The following CASK variants were observed in gnomAD, a reference collection of about 807,000 sequenced individuals.
CASK encodes peripheral plasma membrane protein CASK.
In CASK, 4 loss-of-function variants were observed where a neutral mutation model predicts 82.9. The observed-to-expected ratio is 0.05, with a 90% CI of 0.02 to 0.11. The LOEUF is 0.11. Ranked by LOEUF, CASK falls within the 10% of genes least tolerant of loss-of-function variation. The probability of loss-of-function intolerance (pLI) is 1.00; values close to 1 mark genes in which losing one functional copy is unlikely to be tolerated. For missense variants in CASK, 358 were observed against 720.9 expected, an observed-to-expected ratio of 0.50 and a Z score of 5.76; for synonymous variants, 259 against 253.5, an observed-to-expected ratio of 1.02 and a Z score of -0.20.
chrX:41,727,711 A>G, intron 5 of CASK: 2 of 1,200,092 alleles, frequency 1.7e-6, no homozygotes, highest in Non-Finnish European at 2.3e-6. Flanking sequence ...AAGCCATCTG[A>G]GAAAAATAAG....
At chrX:41,619,739 T>C (rs1189572080) in intron 11 of CASK, among the ~76,000 whole-genome samples, 1 of 111,846 alleles carries the variant, frequency 8.9e-6, no homozygotes, top group Non-Finnish European at 1.9e-5. Flanking sequence ...AAGTTCTCAG[T>C]GTTAAAGTAG....
At chrX:41,733,535 T>A (rs1208340075) in intron 5 of CASK, among the ~76,000 whole-genome samples, 1 of 110,151 alleles carries the variant, frequency 9.1e-6, no homozygotes, top group Non-Finnish European at 1.9e-5. Flanking sequence ...GATCATGAGG[T>A]CAGGAGATCG....
chrX:41,901,501 A>G (rs1048857107), intron 1 of CASK, among the ~76,000 whole-genome samples: 46 of 109,986 alleles, frequency 4.2e-4, no homozygotes, highest in Non-Finnish European at 6.6e-4. Context: ...AAAAAAAAAA[A>G]AAGAAGAAGA....
chrX:41,917,460 G>A (rs1281414027), intron 1 of CASK, among the ~76,000 whole-genome samples: 1 of 112,176 alleles, frequency 8.9e-6, no homozygotes, highest in African/African-American at 3.2e-5. Context: ...AATAATTCAA[G>A]AATAATCTCA....
At chrX:41,799,625 C>G (rs2069947278) in intron 2 of CASK, among the ~76,000 whole-genome samples, 1 of 108,394 alleles carries the variant, frequency 9.2e-6, no homozygotes. Flanking sequence ...GATATCTCTC[C>G]CCTGGAGAGA....
chrX:41,839,387 T>C (rs1170138848), intron 2 of CASK, among the ~76,000 whole-genome samples: 1 of 112,033 alleles, frequency 8.9e-6, no homozygotes, highest in Non-Finnish European at 1.9e-5. Flanking sequence ...TACCTAAGCA[T>C]TTCATTTTAT....
At chrX:41,834,634 C>T in intron 2 of CASK, among the ~76,000 whole-genome samples, 1 of 111,314 alleles carries the variant, frequency 9.0e-6, no homozygotes, top group Non-Finnish European at 1.9e-5. Context: ...CCTTGAGATA[C>T]TCATAGATCT....
At chrX:41,605,914 A>C (rs2065953421) in intron 12 of CASK, among the ~76,000 whole-genome samples, 1 of 111,104 alleles carries the variant, frequency 9.0e-6, no homozygotes, top group Admixed American at 9.5e-5. Flanking sequence ...CCTGACCTCA[A>C]GTGATCCTCC....
rs138290714 is a variant in CASK at position 41,542,815 on chromosome X, T to C, written c.2040-9A>G. 1.2e-3 allele frequency: 1,262 copies of C among 1,019,577 alleles called. 11 individuals are homozygous for C. In the African/African-American group the frequency reaches 0.021, roughly 17 times the overall value. The allele number at this position is 1,019,577 out of a possible 1,213,427, so 84.0% of individuals were successfully genotyped here. On this transcript the variant is annotated splice_polypyrimidine_tract_variant and intron_variant, in intron 21 of 26. Coordinates refer to ENST00000378163, the MANE Select transcript of CASK (RefSeq NM_001367721.1). ...CAATGCAAGCTACTCGCCTAGCACA[T>C]ACAAAAAGAAAAATAAAATAAAATG...
At chrX:41,898,801 T>C (rs2072317297) in intron 1 of CASK, among the ~76,000 whole-genome samples, 1 of 112,127 alleles carries the variant, frequency 8.9e-6, no homozygotes, top group African/African-American at 3.2e-5. Context: ...CTTGGTATGA[T>C]TTCAATCTTC....
intron 22 of CASK, among the ~76,000 whole-genome samples, chrX:41,536,742 A>T (rs1482743513): frequency 1.8e-5 from 2 of 112,170 alleles, no homozygotes; most frequent in African/African-American, 3.2e-5. Flanking sequence ...ATAGCTAAAA[A>T]CCAAGAAATG....
chrX:41,588,922 A>G (rs1296072460), intron 13 of CASK, among the ~76,000 whole-genome samples: 6 of 111,924 alleles, frequency 5.4e-5, no homozygotes, highest in African/African-American at 1.9e-4. Context: ...GATTACAACT[A>G]TAAAAAAATT....
chrX:41,693,189 C>A (rs1012583913), intron 5 of CASK, among the ~76,000 whole-genome samples: 3 of 111,284 alleles, frequency 2.7e-5, no homozygotes, highest in African/African-American at 9.8e-5. Context: ...ATGAGAGCTC[C>A]CTACATAACC....
intron 11 of CASK, among the ~76,000 whole-genome samples, chrX:41,621,176 A>G (rs1044614098): frequency 9.1e-6 from 1 of 110,395 alleles, no homozygotes; most frequent in African/African-American, 3.3e-5. Flanking sequence ...CTTACATTTT[A>G]ATAGTTATTA....
chrX:41,788,114 G>A (rs1047899298), intron 2 of CASK, among the ~76,000 whole-genome samples: 2 of 100,031 alleles, frequency 2.0e-5, no homozygotes, highest in East Asian at 3.2e-4. Context: ...CCGGGATCGC[G>A]TCATTGCACT....
chrX:41,831,708 C>T (rs752094712), intron 2 of CASK, among the ~76,000 whole-genome samples: 2 of 112,260 alleles, frequency 1.8e-5, no homozygotes, highest in Non-Finnish European at 3.8e-5. Context: ...CCTGTAATCC[C>T]AGCACTTTGG....
intron 2 of CASK, among the ~76,000 whole-genome samples, chrX:41,834,470 G>A (rs1253890333): frequency 8.9e-6 from 1 of 111,957 alleles, no homozygotes; most frequent in Non-Finnish European, 1.9e-5. Flanking sequence ...AAGTTTTTGT[G>A]AACAATTAGG....
intron 3 of CASK, among the ~76,000 whole-genome samples, chrX:41,780,143 C>T (rs2069446742): frequency 8.9e-6 from 1 of 111,798 alleles, no homozygotes; most frequent in African/African-American, 3.2e-5. Context: ...TACAGCTTAA[C>T]TCAAGTACCA....
rs959989261 is a variant in CASK, at chrX:41,578,197, A to G, written c.1503+143T>C. On this transcript the variant is annotated intron_variant, in intron 15 of 26. Transcript: ENST00000378163. ...TTCTAGAAAAGAAGGGCAGGGGGGA[A>G]CTGAAGATCTGGAAACTGATTTCTT... 8.9e-6 allele frequency: 4 copies of G among 447,124 alleles called. No individual in the cohort carries two copies. In the Admixed American group the frequency reaches 1.2e-4, roughly 13 times the overall value. 36.8% of individuals were successfully genotyped at this position (447,124 alleles called of 1,213,427 possible).
Sources: allele counts gnomAD v4.1 joint callset (sites outside exome capture counted in the v4.1 genomes callset), GRCh38; gene constraint gnomAD v4.1.1; transcripts MANE v1.5; gene names NCBI Gene and HGNC (gene_info 2026-07-23, HGNC 2026-07-21).